Variants in RMND5A observed in about 807,000 individuals in gnomAD.
RMND5A encodes the protein required for meiotic nuclear division 5 homolog A.
A neutral mutation model predicts 49.7 loss-of-function variants in RMND5A; 17 were observed. The ratio of observed to expected loss-of-function variants is 0.34; its 90% CI spans 0.23 to 0.51. RMND5A has a LOEUF of 0.51. RMND5A is among the 20% of genes least tolerant of loss of function. The pLI, the probability that RMND5A is intolerant of heterozygous loss-of-function variation, is 0.96. For missense variants in RMND5A, 255 were observed against 471.3 expected, an observed-to-expected ratio of 0.54 and a Z score of 4.25; for synonymous variants, 156 against 167.7, an observed-to-expected ratio of 0.93 and a Z score of 0.54.
chr2:86,733,651 TTTAATCA>T (rs1235968011), intron 1 of RMND5A, among the ~76,000 whole-genome samples: 1 of 131,368 alleles, frequency 7.6e-6, no homozygotes, highest in Non-Finnish European at 1.5e-5. Flanking sequence ...CTTACACTTG[TTTAATCA>T]TAAAACTGAC....
intron 4 of RMND5A, among the ~76,000 whole-genome samples, chr2:86,758,945 A>G (rs757590274): frequency 3.9e-5 from 6 of 152,202 alleles, no homozygotes; most frequent in Non-Finnish European, 7.3e-5. Context: ...TGGAGTAAAA[A>G]TCAATGTCAT....
chr2:86,754,989 C>G lies in RMND5A; in HGVS notation c.521+1431C>G, dbSNP rs1229900381. ...TAGATCTCACTTAAGAACTGTATCTCTGTGTAAGATGCATATTACCTTTGT... is the reference window on the plus strand; with the variant it reads ...TAGATCTCACTTAAGAACTGTATCTGTGTGTAAGATGCATATTACCTTTGT... On this transcript the variant is annotated intron_variant, in intron 4 of 8. Transcript: ENST00000283632. 2.6e-5 allele frequency among the ~76,000 whole-genome samples: 4 copies of G among 152,118 alleles called. No individual in the cohort carries two copies. The East Asian group carries it at 7.7e-4, about 29-fold the overall frequency.
In RMND5A at chr2:86,720,648, C is replaced by G. The variant is rs542292851; in HGVS notation, c.-20C>G. 32 of 1,528,738 alleles carry G rather than the reference C, an allele frequency of 2.1e-5. 1 individual carries two copies. Among genetic ancestry groups the G allele is most frequent in the East Asian group, 2.5e-5 (1 of 39,750 alleles). The allele number at this position is 1,528,738 out of a possible 1,614,324, so 94.7% of individuals were successfully genotyped here. A position where few individuals can be genotyped will look rare whatever the true frequency, so the allele number is the denominator to read the frequency against. ...TGCGGACACCTGGGCGCCGAGGAGC[C>G]GAGCGCCGCCGCCTCCGGCATGGAT... On this transcript the variant is annotated 5_prime_UTR_variant, in exon 1 of 9. Coordinates refer to ENST00000283632, the MANE Select transcript of RMND5A (RefSeq NM_022780.4).
chr2:86,772,908 G>C lies in RMND5A; in HGVS notation c.1113-440G>C, dbSNP rs192499597. Among the ~76,000 whole-genome samples the C allele has an allele frequency of 6.5e-3, 991 of 152,232 alleles. 4 individuals carry two copies. The highest frequency in any genetic ancestry group is 0.011 in the Non-Finnish European group (782 of 68,016). On this transcript the variant is annotated intron_variant, in intron 8 of 8. Transcript: ENST00000283632. ...TGTTGATCTTAGTTCAGGCTGTACT[G>C]GTTTCATGTGTCACTGTGAGGCATG...
intron 6 of RMND5A, 84 bp downstream of exon 6, chr2:86,766,108 G>A (rs879828750): frequency 8.9e-6 from 11 of 1,235,784 alleles, no homozygotes; most frequent in Non-Finnish European, 1.2e-5. Flanking sequence ...GATGTTTAAA[G>A]CCAAAATAAC....
intron 4 of RMND5A, among the ~76,000 whole-genome samples, chr2:86,760,167 C>T (rs1254099818): frequency 6.6e-6 from 1 of 152,114 alleles, no homozygotes; most frequent in African/African-American, 2.4e-5. Flanking sequence ...GCCTCAGCCT[C>T]CTGAGTAGCT....
At chr2:86,743,395 A>G (rs1173710458) in intron 2 of RMND5A, among the ~76,000 whole-genome samples, 2 of 151,572 alleles carry the variant, frequency 1.3e-5, no homozygotes, top group Non-Finnish European at 2.9e-5. Context: ...TGGAAGTTAT[A>G]AGGACTTTTT....
intron 4 of RMND5A, among the ~76,000 whole-genome samples, chr2:86,759,620 G>A (rs13395060): frequency 0.47 from 65,867 of 140,120 alleles, 14,356 homozygotes; most frequent in East Asian, 0.74. Context: ...TTGCCCCCCC[G>A]CCCCCCACCA....
Position 86,726,643 on chromosome 2 carries a change from G to A in RMND5A, c.142+5834G>A, listed in dbSNP as rs1359912493. 5.2e-5 allele frequency among the ~76,000 whole-genome samples: 4 copies of A among 76,834 alleles called. 1 individual carries two copies. The highest frequency in any genetic ancestry group is 1.5e-4 in the African/African-American group (3 of 19,830). The allele number at this position is 76,834 out of a possible 152,430, so 50.4% of individuals were successfully genotyped here. A position where few individuals can be genotyped will look rare whatever the true frequency, so the allele number is the denominator to read the frequency against. ...TCAGTATATTGGTGTTTCCAGTTGG[G>A]TTTAGAAGTAGATTTAACTTTGTTA... On this transcript the variant is annotated intron_variant, in intron 1 of 8. Coordinates refer to ENST00000283632, the MANE Select transcript of RMND5A (RefSeq NM_022780.4).
intron 2 of RMND5A, among the ~76,000 whole-genome samples, chr2:86,743,244 A>G (rs1010324734): frequency 1.3e-5 from 2 of 152,110 alleles, no homozygotes; most frequent in African/African-American, 2.4e-5. Context: ...TTGGAAGTGG[A>G]TATCAAGGGA....
At chr2:86,769,621 CTT>C (rs1479461170) in intron 6 of RMND5A, among the ~76,000 whole-genome samples, 1 of 150,964 alleles carries the variant, frequency 6.6e-6, no homozygotes, top group African/African-American at 2.4e-5. Flanking sequence ...TGTTTTAAAA[CTT>C]TATTTTTCTA....
chr2:86,728,981 C>G (rs1334788620), intron 1 of RMND5A, among the ~76,000 whole-genome samples: 1 of 151,938 alleles, frequency 6.6e-6, no homozygotes, highest in East Asian at 1.9e-4. Flanking sequence ...GTCTCGATCT[C>G]TTGACCTCGT....
rs552934817 is a variant in RMND5A at position 86,738,530 on chromosome 2, G to A, written c.143-2397G>A. 5.3e-4 allele frequency among the ~76,000 whole-genome samples: 30 copies of A among 56,412 alleles called. 12 individuals carry two copies. The highest frequency in any genetic ancestry group is 9.8e-4 in the Non-Finnish European group (28 of 28,572). The allele number at this position is 56,412 out of a possible 152,430, so 37.0% of individuals were successfully genotyped here. A position where few individuals can be genotyped will look rare whatever the true frequency, so the allele number is the denominator to read the frequency against. ...TGCACTCCAGTGTGGGCAACAGAGC[G>A]AGACCCTGTCTCAAAAAAAAAAAAT... On this transcript the variant is annotated intron_variant, in intron 1 of 8. Transcript: ENST00000283632.
chr2:86,746,182 G>A (rs1242192460), intron 2 of RMND5A, among the ~76,000 whole-genome samples: 1 of 152,152 alleles, frequency 6.6e-6, no homozygotes, highest in Non-Finnish European at 1.5e-5. Flanking sequence ...GGTAGAGAGG[G>A]ACAAAAGGAC....
chr2:86,765,730 A>G, intron 5 of RMND5A, 129 bp from the exon 6 acceptor site: 1 of 727,872 alleles, frequency 1.4e-6, no homozygotes, highest in Non-Finnish European at 2.2e-6. Flanking sequence ...ACCAAGCTTA[A>G]GGACCAGAAT....
chr2:86,765,026 G>A lies in RMND5A; in HGVS notation c.522-1G>A. On this transcript the variant is annotated splice_acceptor_variant, in intron 4 of 8. Transcript: ENST00000283632. LOFTEE classifies it high-confidence loss of function. ...TAAAGTCTTTTTTGCCTTTTCTTTAGGTGGGCAGTGTCAAACCGGGAAATG... is the reference window on the plus strand; with the variant it reads ...TAAAGTCTTTTTTGCCTTTTCTTTAAGTGGGCAGTGTCAAACCGGGAAATG... 6.3e-7 allele frequency: 1 copy of A among 1,595,072 alleles called. No individual in the cohort carries two copies. Among genetic ancestry groups the A allele is most frequent in the Non-Finnish European group, 8.5e-7 (1 of 1,173,506 alleles).
At chr2:86,758,727 T>A (rs1681790859) in intron 4 of RMND5A, among the ~76,000 whole-genome samples, 1 of 152,204 alleles carries the variant, frequency 6.6e-6, no homozygotes, top group Non-Finnish European at 1.5e-5. Context: ...ATGGTAGTAG[T>A]TCCAGCAGTG....
chr2:86,747,118 A>G (rs1272710502), intron 2 of RMND5A, among the ~76,000 whole-genome samples: 2 of 152,172 alleles, frequency 1.3e-5, no homozygotes, highest in Non-Finnish European at 2.9e-5. Context: ...GTTTATACCA[A>G]TTTACAGCCC....
intron 3 of RMND5A, 113 bp downstream of exon 3, chr2:86,752,143 A>C (rs1375407496): frequency 1.1e-6 from 1 of 946,270 alleles, no homozygotes; most frequent in South Asian, 2.6e-5. Context: ...ATAGATTTTT[A>C]ATATTTAAAT....
Sources: gnomAD v4.1 joint callset for allele counts (sites outside exome capture counted in the v4.1 genomes callset) on GRCh38, gnomAD v4.1.1 for gene constraint, MANE v1.5 for transcripts, NCBI Gene and HGNC (gene_info 2026-07-23, HGNC 2026-07-21) for gene names.